The following PTPRT variants were observed in gnomAD, a reference collection of about 807,000 sequenced individuals.
PTPRT encodes the protein protein tyrosine phosphatase receptor type T, also known as receptor-type tyrosine-protein phosphatase T.
A neutral mutation model predicts 176.8 loss-of-function variants in PTPRT; 56 were observed. The observed-to-expected ratio is 0.32, with a 90% CI of 0.26 to 0.40. The LOEUF (loss-of-function observed/expected upper bound fraction) is 0.40, where lower values mean the gene tolerates loss of function less well. Among genes scored for constraint, PTPRT ranks in the 10% least tolerant of loss-of-function variants. The probability of loss-of-function intolerance (pLI) is 1.00; values close to 1 mark genes in which losing one functional copy is unlikely to be tolerated. For missense variants in PTPRT, 1,540 were observed against 1,908.2 expected (o/e 0.81, Z 3.60); for synonymous variants, 783 against 739.0 (o/e 1.06, Z -0.96).
chr20:42,797,670 T>G (rs1033163589), intron 2 of PTPRT, among the ~76,000 whole-genome samples: 1 of 152,146 alleles, frequency 6.6e-6, no homozygotes, highest in Non-Finnish European at 1.5e-5. Flanking sequence ...AAGGTTCAGA[T>G]GGAATTAAGG....
intron 9 of PTPRT, among the ~76,000 whole-genome samples, chr20:42,432,270 C>T (rs1313369278): frequency 1.3e-5 from 2 of 152,214 alleles, no homozygotes; most frequent in African/African-American, 4.8e-5. Context: ...CTGAATCAAA[C>T]CTGCTTGCAA....
chr20:42,576,068 T>C (rs1474188351), intron 7 of PTPRT, among the ~76,000 whole-genome samples: 2 of 152,154 alleles, frequency 1.3e-5, no homozygotes, highest in Non-Finnish European at 2.9e-5. Context: ...CGCTAGGAAA[T>C]CAGCTCTTGT....
At chr20:42,495,477 T>C (rs1186798945) in intron 7 of PTPRT, among the ~76,000 whole-genome samples, 2 of 152,172 alleles carry the variant, frequency 1.3e-5, no homozygotes, top group African/African-American at 4.8e-5. Context: ...CCTGGCATCC[T>C]ACCCTTTATG....
chr20:42,193,363 C>T (rs1300561116), intron 16 of PTPRT, among the ~76,000 whole-genome samples: 2 of 152,252 alleles, frequency 1.3e-5, no homozygotes, highest in African/African-American at 4.8e-5. Context: ...CTTCTGCCCA[C>T]ATGGTAGAAA....
chr20:42,079,286 T>C lies in PTPRT; in HGVS notation c.*1593A>G. On this transcript the variant is annotated 3_prime_UTR_variant, in exon 31 of 31. Transcript: ENST00000373187. Reference sequence around the variant, plus strand: ...CAGGAAGAAAGTACTAAATTTCCATTTGTGGAGTTATCTGCTCAGAAGTTT... The same window carrying C: ...CAGGAAGAAAGTACTAAATTTCCATCTGTGGAGTTATCTGCTCAGAAGTTT... 1 of 207,746 alleles carries C rather than the reference T, an allele frequency of 4.8e-6. No individual in the cohort carries two copies. Among genetic ancestry groups the C allele is most frequent in the Non-Finnish European group, 9.8e-6 (1 of 101,876 alleles). The allele number at this position is 207,746 out of a possible 1,614,324, so 12.9% of individuals were successfully genotyped here. A position where few individuals can be genotyped will look rare whatever the true frequency, so the allele number is the denominator to read the frequency against.
In PTPRT at chr20:42,633,932, AATAATATAAT is replaced by A. The variant is rs768274668; in HGVS notation, c.1153+43924_1153+43933del. Among the ~76,000 whole-genome samples the A allele has an allele frequency of 7.3e-3, 345 of 47,438 alleles. 4 individuals carry two copies. Among genetic ancestry groups the A allele is most frequent in the Non-Finnish European group, 0.011 (289 of 26,568 alleles). 31.1% of individuals were successfully genotyped at this position (47,438 alleles called of 152,430 possible). A position where few individuals can be genotyped will look rare whatever the true frequency, so the allele number is the denominator to read the frequency against. ...TATATAATTATATATAATATATTATAATAATATAATATAATATATAATTATATATAATATA... is the reference window on the plus strand; with the variant it reads ...TATATAATTATATATAATATATTATAATAATATATAATTATATATAATATA... On this transcript the variant is annotated intron_variant, in intron 7 of 30. Transcript: ENST00000373187.
the PTPRT span, among the ~76,000 whole-genome samples, chr20:42,036,469 C>G: frequency 4.6e-5 from 7 of 152,272 alleles, no homozygotes; most frequent in African/African-American, 1.4e-4. Flanking sequence ...CCTAACTTGT[C>G]CAGGCTGGTA....
chr20:42,159,928 C>A (rs1424759114), intron 17 of PTPRT, among the ~76,000 whole-genome samples: 3 of 152,174 alleles, frequency 2.0e-5, no homozygotes, highest in African/African-American at 7.2e-5. Context: ...TGGAATCCAG[C>A]TGTCTGCACC....
intron 16 of PTPRT, 63 bp from the exon 17 acceptor site, chr20:42,161,605 G>T: frequency 6.6e-7 from 1 of 1,513,946 alleles, no homozygotes; most frequent in Non-Finnish European, 8.9e-7. Flanking sequence ...TGTCCTCCCT[G>T]TCTCCCCCAG....
At chr20:42,246,968 A>G (rs1392226202) in intron 14 of PTPRT, among the ~76,000 whole-genome samples, 2 of 152,208 alleles carry the variant, frequency 1.3e-5, no homozygotes, top group Non-Finnish European at 2.9e-5. Flanking sequence ...GTCATATACT[A>G]CCCTATGTAA....
intron 11 of PTPRT, among the ~76,000 whole-genome samples, chr20:42,345,464 T>C (rs569448450): frequency 1.0e-3 from 152 of 148,744 alleles, no homozygotes; most frequent in African/African-American, 3.5e-3. Flanking sequence ...TATACATATA[T>C]ATATAAAACT....
intron 7 of PTPRT, among the ~76,000 whole-genome samples, chr20:42,574,158 G>A (rs552180260): frequency 9.2e-5 from 14 of 152,226 alleles, no homozygotes; most frequent in South Asian, 2.1e-4. Context: ...TGACATTTCC[G>A]GTTGGAGGGC....
intron 11 of PTPRT, among the ~76,000 whole-genome samples, chr20:42,316,489 T>C (rs979821057): frequency 1.3e-5 from 2 of 152,230 alleles, no homozygotes; most frequent in Admixed American, 6.5e-5. Flanking sequence ...CAGATTCAAC[T>C]AGTCTCTTTG....
At chr20:42,332,411 C>T (rs778676156) in intron 11 of PTPRT, among the ~76,000 whole-genome samples, 6 of 151,908 alleles carry the variant, frequency 3.9e-5, no homozygotes, top group South Asian at 2.1e-4. Flanking sequence ...AGGGTTTTAC[C>T]GTGTTAGCCA....
At chr20:42,897,267 C>T (rs1264708042) in intron 1 of PTPRT, among the ~76,000 whole-genome samples, 2 of 152,196 alleles carry the variant, frequency 1.3e-5, no homozygotes, top group African/African-American at 4.8e-5. Context: ...ATGGCTCGAG[C>T]ATTCCCCAAG....
intron 1 of PTPRT, among the ~76,000 whole-genome samples, chr20:42,917,596 A>G (rs1195513658): frequency 1.3e-5 from 2 of 152,208 alleles, no homozygotes; most frequent in African/African-American, 4.8e-5. Flanking sequence ...ACCCATGAGC[A>G]TTGTTATCAA....
At chr20:42,740,975 G>A (rs910101233) in intron 6 of PTPRT, among the ~76,000 whole-genome samples, 1 of 152,180 alleles carries the variant, frequency 6.6e-6, no homozygotes, top group African/African-American at 2.4e-5. Context: ...AAGAACTTGA[G>A]AGAGAGAGTG....
chr20:42,364,588 G>C (rs1386407521), intron 9 of PTPRT, among the ~76,000 whole-genome samples: 1 of 152,012 alleles, frequency 6.6e-6, no homozygotes, highest in Non-Finnish European at 1.5e-5. Flanking sequence ...TCTGGCCTCA[G>C]GTTAGAAGCT....
At chr20:42,842,537 C>T (rs946061710) in intron 2 of PTPRT, among the ~76,000 whole-genome samples, 5 of 151,920 alleles carry the variant, frequency 3.3e-5, no homozygotes, top group African/African-American at 1.2e-4. Flanking sequence ...CTCCTGCCTC[C>T]GCCCCCCGAG....
Sources: allele counts gnomAD v4.1 joint callset (sites outside exome capture counted in the v4.1 genomes callset), GRCh38; gene constraint gnomAD v4.1.1; transcripts MANE v1.5; gene names NCBI Gene and HGNC (gene_info 2026-07-23, HGNC 2026-07-21).